ZNF528: variants seen among roughly 807,000 people sequenced by gnomAD.
ZNF528 encodes zinc finger protein 528.
Under a neutral mutation model 13.3 loss-of-function variants are expected in ZNF528, and 9 were observed. The ratio of observed to expected loss-of-function variants is 0.67; its 90% CI spans 0.41 to 1.18. The LOEUF (loss-of-function observed/expected upper bound fraction) is 1.18. ZNF528 is among the 50% of genes most tolerant of loss of function. ZNF528 has a pLI of 0.01. For missense variants in ZNF528, 858 were observed against 745.4 expected (o/e 1.15, Z -1.76); for synonymous variants, 264 against 254.3 (o/e 1.04, Z -0.36).
chr19:52,412,642 G>T (rs1456098064), intron 6 of ZNF528: 2 of 152,156 alleles, frequency 1.3e-5, no homozygotes, highest in East Asian at 3.9e-4. Context: ...GTCTTGAGTG[G>T]CACTGATGAG....
At position 52,416,099 on chromosome 19, in the gene ZNF528, A is replaced by G. The variant is rs536248393; in HGVS notation, c.1247A>G (p.Lys416Arg). 41 of 1,614,068 alleles carry G rather than the reference A, an allele frequency of 2.5e-5. No individual in the cohort carries two copies. In the East Asian group the frequency reaches 8.0e-4, roughly 32 times the overall value. ...CCTTATGGATGCAGTCAGTGTGGCA[A>G]GATCTTTAGTCAGAAATCAGACCTT... is the stretch of plus-strand genomic sequence containing the variant. Reference protein sequence around the residue: ...ERPYGCSQCGKIFSQKSDLIR... With the variant: ...ERPYGCSQCGRIFSQKSDLIR... The change falls in exon 7 of 7, where the codon AAG becomes AGG. Residue 416 changes from lysine to arginine, a missense_variant. Coordinates refer to ENST00000360465, the MANE Select transcript of ZNF528 (RefSeq NM_032423.3).
intron 4 of ZNF528, among the ~76,000 whole-genome samples, chr19:52,403,659 CAAAAAAAAAAAA>C (rs398035018): frequency 2.4e-5 from 2 of 84,978 alleles, no homozygotes; most frequent in Admixed American, 3.2e-4. Context: ...GACTCCATCT[CAAAAAAAAAAAA>C]AAAAAAAAAA....
intron 5 of ZNF528, 65 bp from the exon 6 acceptor site, chr19:52,406,450 C>T (rs2058857171): frequency 6.4e-7 from 1 of 1,566,774 alleles, no homozygotes; most frequent in Non-Finnish European, 8.6e-7. Flanking sequence ...CTCTCTCCTC[C>T]CTAAATACAG....
At chr19:52,412,825 C>G (rs1278033415) in intron 6 of ZNF528, 1 of 152,166 alleles carries the variant, frequency 6.6e-6, no homozygotes, top group Non-Finnish European at 1.5e-5. Context: ...GCGTTTGACC[C>G]TTGGCTCCTT....
chr19:52,399,992 G>A (rs2058772233), intron 2 of ZNF528, among the ~76,000 whole-genome samples: 2 of 152,070 alleles, frequency 1.3e-5, no homozygotes, highest in African/African-American at 4.8e-5. Flanking sequence ...CAAACAGTAA[G>A]GGGAAGAATT....
In ZNF528 at chr19:52,398,553, G is replaced by A. The variant is rs2058755684; in HGVS notation, c.-203G>A. 1.0e-6 allele frequency: 1 copy of A among 985,066 alleles called. No individual in the cohort carries two copies. The allele number at this position is 985,066 out of a possible 1,614,324, so 61.0% of individuals were successfully genotyped here. On this transcript the variant is annotated 5_prime_UTR_variant, in exon 2 of 7. Transcript: ENST00000360465. ...GAAAAAGAGATGGGAACGAGGCAGAGGAAATAGAGAAATTTTGAAAGAGAA... is the reference window on the plus strand; with the variant it reads ...GAAAAAGAGATGGGAACGAGGCAGAAGAAATAGAGAAATTTTGAAAGAGAA...
At chr19:52,400,658 A>G (rs2122505588) in intron 2 of ZNF528, among the ~76,000 whole-genome samples, 1 of 152,148 alleles carries the variant, frequency 6.6e-6, no homozygotes, top group South Asian at 2.1e-4. Context: ...AGTAGATAGG[A>G]CTATGGGCCT....
chr19:52,409,329 C>T (rs1235421489), intron 6 of ZNF528, among the ~76,000 whole-genome samples: 2 of 143,660 alleles, frequency 1.4e-5, no homozygotes, highest in African/African-American at 5.2e-5. Flanking sequence ...GACGGAGTTT[C>T]ACTCTTGTTG....
chr19:52,415,317 C>A lies in ZNF528; in HGVS notation c.465C>A (p.Val155=). 1 of 1,612,214 alleles carries A rather than the reference C, an allele frequency of 6.2e-7. No individual in the cohort carries two copies. The highest frequency in any genetic ancestry group is 1.1e-5 in the South Asian group (1 of 90,558). The change falls in exon 7 of 7, where the codon GTC becomes GTA. Residue 155 remains valine (V), a synonymous_variant. Coordinates refer to ENST00000360465, the MANE Select transcript of ZNF528 (RefSeq NM_032423.3). ...CGCTTGAAAAAATTTCTTCCAGTGT[C>A]AAATCCCACCTTTTAAATAAATATA... ...VSPLEKISSS[V]KSHLLNKYRN...
In ZNF528 at chr19:52,416,167, T is replaced by G. The variant is rs537911154; in HGVS notation, c.1315T>G (p.Cys439Gly). 6.8e-6 allele frequency: 11 copies of G among 1,614,044 alleles called. No homozygotes were observed. The East Asian group carries it at 1.6e-4, about 23-fold the overall frequency. Reference sequence around the variant, plus strand: ...TCATACTGATGAGAAGCCTTACAAATGTAATAAATGTGGCACAGCGTTTAG... The same window carrying G: ...TCATACTGATGAGAAGCCTTACAAAGGTAATAAATGTGGCACAGCGTTTAG... Reference protein sequence around the residue: ...KTHTDEKPYKCNKCGTAFREF... With the variant: ...KTHTDEKPYKGNKCGTAFREF... Residue 439 changes from cysteine (C) to glycine (G), a missense_variant, in exon 7 of 7, where the codon TGT becomes GGT. Cys to Gly is a radical substitution (Grantham distance 159). Transcript: ENST00000360465.
At chr19:52,409,156 C>G (rs2058897426) in intron 6 of ZNF528, among the ~76,000 whole-genome samples, 1 of 152,082 alleles carries the variant, frequency 6.6e-6, no homozygotes, top group Non-Finnish European at 1.5e-5. Context: ...TATAATCTTA[C>G]AGAGTTTAGT....
rs150782009 is a variant in ZNF528, at chr19:52,416,351, A to G, written c.1499A>G (p.Lys500Arg). 3.1e-6 allele frequency: 5 copies of G among 1,613,990 alleles called. No individual in the cohort carries two copies. The African/African-American group carries it at 5.3e-5, about 17-fold the overall frequency. The change falls in exon 7 of 7, where the codon AAG becomes AGG. Residue 500 changes from lysine to arginine, a missense_variant. By Grantham distance (26) the Lys-to-Arg change is conservative. Transcript: ENST00000360465. ...EKPYKCNRCG[K>R]VFSRSSNLVC... Reference sequence around the variant, plus strand: ...CCTTACAAATGTAACAGATGTGGCAAGGTCTTCAGTCGCAGTTCAAACCTG... The same window carrying G: ...CCTTACAAATGTAACAGATGTGGCAGGGTCTTCAGTCGCAGTTCAAACCTG...
chr19:52,417,612 A>G lies in ZNF528; in HGVS notation c.*873A>G, dbSNP rs917876738. 6.6e-6 allele frequency: 1 copy of G among 152,316 alleles called. No homozygotes were observed. The highest frequency in any genetic ancestry group is 1.5e-5 in the Non-Finnish European group (1 of 68,262). The allele number at this position is 152,316 out of a possible 1,614,324, so 9.4% of individuals were successfully genotyped here. The stretch of plus-strand genomic sequence containing the variant: ...ACCTGCTGTTTAGCAAAGACTGATG[A>G]GAAGTAGACTTTTTTTTTTTTGGAG... On this transcript the variant is annotated 3_prime_UTR_variant, in exon 7 of 7. Transcript: ENST00000360465.
Position 52,416,662 on chromosome 19 carries a change from CCT to C in ZNF528, c.1811_1812del (p.Pro604LeufsTer8). The C allele has an allele frequency of 6.2e-7, 1 of 1,613,948 alleles. No homozygotes were observed. Among genetic ancestry groups the C allele is most frequent in the Admixed American group, 1.7e-5 (1 of 60,000 alleles). ...CCATAGAATTCACATTGGAGAGAAA[CCT>C]TACAAATGCACCCTGTGCAGTAAGG... ...NHHRIHIGEK[P>X]YKCTLCSKVF... On this transcript the variant is annotated frameshift_variant, in exon 7 of 7. Coordinates refer to ENST00000360465, the MANE Select transcript of ZNF528 (RefSeq NM_032423.3). LOFTEE classifies it low-confidence loss of function (END_TRUNC).
intron 1 of ZNF528, among the ~76,000 whole-genome samples, 189 bp from the exon 2 acceptor site, chr19:52,398,178 C>G (rs971841110): frequency 6.6e-6 from 1 of 152,156 alleles, no homozygotes; most frequent in African/African-American, 2.4e-5. Context: ...CCCCTACACA[C>G]GCCCCGCACC....
chr19:52,412,613 G>C (rs1357294933), intron 6 of ZNF528: 1 of 152,166 alleles, frequency 6.6e-6, no homozygotes, highest in Non-Finnish European at 1.5e-5. Context: ...CCCAGCAGGA[G>C]GGGTGCCATT....
At chr19:52,412,150 G>T (rs1394549131) in intron 6 of ZNF528, 1 of 152,178 alleles carries the variant, frequency 6.6e-6, no homozygotes, top group Non-Finnish European at 1.5e-5. Context: ...CTATGTAGTT[G>T]TGCTCCCAAA....
In ZNF528 at chr19:52,415,425, C is replaced by T. The variant is rs759305440; in HGVS notation, c.573C>T (p.His191=). The T allele has an allele frequency of 6.2e-6, 10 of 1,614,038 alleles. No individual in the cohort carries two copies. The highest frequency in any genetic ancestry group is 3.3e-5 in the Admixed American group (2 of 60,008). Residue 191 remains histidine (H), a synonymous_variant, in exon 7 of 7, where the codon CAC becomes CAT. Transcript: ENST00000360465. ...IREKAYKCNE[H]GQVFRASASL... The stretch of plus-strand genomic sequence containing the variant: ...AAAAAGCTTATAAATGTAATGAGCA[C>T]GGCCAAGTCTTTAGAGCATCTGCAA...
intron 4 of ZNF528, chr19:52,402,423 A>G: frequency 1.2e-5 from 3 of 241,622 alleles, no homozygotes; most frequent in South Asian, 1.7e-4. Flanking sequence ...TTTTTTTTTG[A>G]GACAGAGTCT....
Sources: allele counts gnomAD v4.1 joint callset (sites outside exome capture counted in the v4.1 genomes callset), GRCh38; gene constraint gnomAD v4.1.1; transcripts MANE v1.5; gene names NCBI Gene and HGNC (gene_info 2026-07-23, HGNC 2026-07-21).